BCAS3: variants seen among roughly 807,000 people sequenced by gnomAD.
BCAS3 encodes BCAS4/BCAS3 fusion.
In BCAS3, 53 loss-of-function variants were observed where a neutral mutation model predicts 116.1. That is an observed-to-expected ratio of 0.46 (90% CI 0.37 to 0.57). BCAS3 has a LOEUF of 0.57. Ranked by LOEUF, BCAS3 falls within the 20% of genes least tolerant of loss-of-function variation. The pLI, the probability that BCAS3 is intolerant of heterozygous loss-of-function variation, is 0.00. For synonymous variants in BCAS3, 391 were observed against 408.2 expected (o/e 0.96, Z 0.51); for missense variants, 917 against 1,165.4 (o/e 0.79, Z 3.10).
chr17:61,368,026 G>C lies in BCAS3; in HGVS notation c.2426-301G>C, dbSNP rs1436858260. 1 of 260,026 alleles carries C rather than the reference G, an allele frequency of 3.8e-6. No homozygotes were observed. The highest frequency in any genetic ancestry group is 7.2e-6 in the Non-Finnish European group (1 of 138,004). The allele number at this position is 260,026 out of a possible 1,614,324, so 16.1% of individuals were successfully genotyped here. On this transcript the variant is annotated intron_variant, in intron 22 of 23. Coordinates refer to ENST00000407086, the MANE Select transcript of BCAS3 (RefSeq NM_017679.5). The surrounding 1 kb of genome is among the most constrained non-coding windows in gnomAD (Gnocchi z 6.0). ...CGTTTGGGTTGAACCTGGGAAGGGG[G>C]TTGCCTTCCCCGTCCCACTTCTTAA...
intron 22 of BCAS3, among the ~76,000 whole-genome samples, chr17:61,201,934 A>AT (rs1014062417): frequency 3.3e-5 from 5 of 150,060 alleles, no homozygotes; most frequent in African/African-American, 7.4e-5. Context: ...AGTTTTTGTT[A>AT]TTTTTAGTAG....
At chr17:60,711,655 T>C (rs367549263) in intron 5 of BCAS3, among the ~76,000 whole-genome samples, 43 of 152,304 alleles carry the variant, frequency 2.8e-4, no homozygotes, top group African/African-American at 9.4e-4. Context: ...GTAATTAAGG[T>C]CTTTATTTCT....
At chr17:61,329,347 T>A (rs1481322361) in intron 22 of BCAS3, among the ~76,000 whole-genome samples, 12 of 146,338 alleles carry the variant, frequency 8.2e-5, no homozygotes, top group African/African-American at 2.5e-4. Context: ...ATTATTATTT[T>A]TTTTTTTTTT....
intron 5 of BCAS3, among the ~76,000 whole-genome samples, chr17:60,740,733 G>T (rs187542849): frequency 6.6e-6 from 1 of 151,988 alleles, no homozygotes; most frequent in Admixed American, 6.6e-5. Flanking sequence ...TTGGATTTGG[G>T]TATTTACCTT....
At chr17:61,314,435 G>T (rs1370674482) in intron 22 of BCAS3, among the ~76,000 whole-genome samples, 1 of 152,206 alleles carries the variant, frequency 6.6e-6, no homozygotes, top group East Asian at 1.9e-4. Flanking sequence ...CCATCTGACC[G>T]CATTCCCTCT....
At chr17:61,137,175 G>C (rs935883759) in intron 22 of BCAS3, among the ~76,000 whole-genome samples, 1 of 152,048 alleles carries the variant, frequency 6.6e-6, no homozygotes, top group African/African-American at 2.4e-5. Context: ...TTCAAACCTG[G>C]GAAGTTGATT....
chr17:60,947,130 A>G (rs1480175273), intron 13 of BCAS3, 89 bp from the exon 14 acceptor site: 2 of 1,301,180 alleles, frequency 1.5e-6, no homozygotes, highest in Non-Finnish European at 2.1e-6. Flanking sequence ...CCCATTGGTA[A>G]TATTTTAAAT....
At chr17:61,369,484 G>A (rs2058932477) in intron 23 of BCAS3, among the ~76,000 whole-genome samples, 1 of 152,230 alleles carries the variant, frequency 6.6e-6, no homozygotes, top group African/African-American at 2.4e-5. Context: ...CAGAGTCAGA[G>A]CACTGAGGCA....
chr17:61,225,953 G>A (rs1006588256), intron 22 of BCAS3, among the ~76,000 whole-genome samples: 2 of 152,156 alleles, frequency 1.3e-5, no homozygotes, highest in African/African-American at 4.8e-5. Flanking sequence ...AAACAATACT[G>A]TTTTCCGCTA....
At position 61,315,227 on chromosome 17, in the gene BCAS3, G is replaced by A. The variant is rs1778057582; in HGVS notation, c.2426-53100G>A. On this transcript the variant is annotated intron_variant, in intron 22 of 23. Transcript: ENST00000407086. This position sits in a 1 kb window ranked among gnomAD's most constrained non-coding sequence, Gnocchi z 5.3. ...GCCTCCAGGTTAAAGCAATTCTCGT[G>A]TCTCAGCCTCCCAAGTAGCTGGGAT... 6.6e-6 allele frequency among the ~76,000 whole-genome samples: 1 copy of A among 152,148 alleles called. No homozygotes were observed. The highest frequency in any genetic ancestry group is 2.4e-5 in the African/African-American group (1 of 41,426).
intron 22 of BCAS3, among the ~76,000 whole-genome samples, chr17:61,301,253 G>C (rs945607377): frequency 6.6e-6 from 1 of 152,304 alleles, no homozygotes; most frequent in African/African-American, 2.4e-5. Context: ...ATGGCCCTCA[G>C]AGTCTAAAAT....
At chr17:61,284,215 T>C (rs1261579806) in intron 22 of BCAS3, among the ~76,000 whole-genome samples, 1 of 152,056 alleles carries the variant, frequency 6.6e-6, no homozygotes. Flanking sequence ...GGAATAAAAA[T>C]TGGCCACCTC....
rs879448369 is a variant in BCAS3 at position 60,757,392 on chromosome 17, A to ATGTG, written c.403+10114_403+10115insGTGT. Among the ~76,000 whole-genome samples the ATGTG allele has an allele frequency of 1.6e-3, 209 of 132,766 alleles. 1 individual carries two copies. The highest frequency in any genetic ancestry group is 5.6e-3 in the African/African-American group (164 of 29,524). 87.1% of individuals were successfully genotyped at this position (132,766 alleles called of 152,430 possible). A position where few individuals can be genotyped will look rare whatever the true frequency, so the allele number is the denominator to read the frequency against. The stretch of plus-strand genomic sequence containing the variant: ...TTTCTCTGCATCCTTGCCAGCATGT[A>ATGTG]TATGTGTGTGTGTGTGTGTGTGTGT... On this transcript the variant is annotated intron_variant, in intron 6 of 23. Coordinates refer to ENST00000407086, the MANE Select transcript of BCAS3 (RefSeq NM_017679.5).
intron 22 of BCAS3, among the ~76,000 whole-genome samples, chr17:61,273,262 C>T (rs954288753): frequency 3.3e-5 from 5 of 151,948 alleles, no homozygotes; most frequent in Non-Finnish European, 7.4e-5. Flanking sequence ...GCGCGCACCA[C>T]CACCCCTGGC....
chr17:61,025,045 A>C (rs1396149144), intron 16 of BCAS3, among the ~76,000 whole-genome samples: 1 of 152,116 alleles, frequency 6.6e-6, no homozygotes, highest in African/African-American at 2.4e-5. Context: ...GAAGTTGTAT[A>C]CTATATGACA....
chr17:61,074,637 C>T (rs1030113334), intron 19 of BCAS3, among the ~76,000 whole-genome samples: 2 of 152,098 alleles, frequency 1.3e-5, no homozygotes, highest in African/African-American at 2.4e-5. Context: ...ATAGATTTGT[C>T]GCTGCTCTTC....
chr17:61,270,795 T>G (rs1005682813), intron 22 of BCAS3, among the ~76,000 whole-genome samples: 3 of 152,190 alleles, frequency 2.0e-5, no homozygotes, highest in Non-Finnish European at 4.4e-5. Flanking sequence ...CAGGCTGGAG[T>G]GCAATGGTGC....
In BCAS3 at chr17:61,162,856, G is replaced by T. The variant is rs2078245223; in HGVS notation, c.2425+78292G>T. 1.3e-5 allele frequency among the ~76,000 whole-genome samples: 2 copies of T among 151,972 alleles called. No homozygotes were observed. The highest frequency in any genetic ancestry group is 6.6e-5 in the Admixed American group (1 of 15,262). On this transcript the variant is annotated intron_variant, in intron 22 of 23. Coordinates refer to ENST00000407086, the MANE Select transcript of BCAS3 (RefSeq NM_017679.5). The surrounding 1 kb of genome is among the most constrained non-coding windows in gnomAD (Gnocchi z 5.6). Reference sequence around the variant, plus strand: ...ATGTTTTGCCTTTTGTTGTTATTTGGGACACTCAAGAGGACCAACATGACG... The same window carrying T: ...ATGTTTTGCCTTTTGTTGTTATTTGTGACACTCAAGAGGACCAACATGACG...
At chr17:61,067,273 G>GTATGTATA (rs1555696736) in intron 19 of BCAS3, among the ~76,000 whole-genome samples, 2 of 58,796 alleles carry the variant, frequency 3.4e-5, no homozygotes, top group Admixed American at 2.1e-4. Flanking sequence ...GTGTGTATGT[G>GTATGTATA]TATATATATA....
Sources: gnomAD v4.1 joint callset for allele counts (sites outside exome capture counted in the v4.1 genomes callset) on GRCh38, gnomAD v4.1.1 for gene constraint, Gnocchi (gnomAD v3.1) non-coding constraint, MANE v1.5 for transcripts, NCBI Gene and HGNC (gene_info 2026-07-23, HGNC 2026-07-21) for gene names.